The following GABRG2 variants were observed in gnomAD, a reference collection of about 807,000 sequenced individuals.
The protein encoded by GABRG2 is gamma-aminobutyric acid type A receptor subunit gamma2.
A neutral mutation model predicts 56.4 loss-of-function variants in GABRG2; 16 were observed. That is an observed-to-expected ratio of 0.28 (90% confidence interval 0.19 to 0.43). The LOEUF (loss-of-function observed/expected upper bound fraction) is 0.43. Among genes scored for constraint, GABRG2 ranks in the 20% least tolerant of loss-of-function variants. GABRG2 has a pLI of 1.00. For synonymous variants in GABRG2, 208 were observed against 205.5 expected (o/e 1.01, Z -0.10); for missense variants, 327 against 582.7 (o/e 0.56, Z 4.52).
chr5:162,121,487 T>C (rs961173230), intron 6 of GABRG2, among the ~76,000 whole-genome samples: 2 of 152,052 alleles, frequency 1.3e-5, no homozygotes, highest in Non-Finnish European at 2.9e-5. Flanking sequence ...GTGGACAAAG[T>C]GTGCATTTTG....
intron 1 of GABRG2, among the ~76,000 whole-genome samples, chr5:162,070,293 C>T (rs373074281): frequency 6.6e-6 from 1 of 151,862 alleles, no homozygotes; most frequent in East Asian, 1.9e-4. Flanking sequence ...GGAGTCATTG[C>T]TGTTTGGTGC....
chr5:162,096,742 G>A lies in GABRG2; in HGVS notation c.328-896G>A, dbSNP rs567406427. On this transcript the variant is annotated intron_variant, in intron 3 of 9. Coordinates refer to ENST00000639213, the MANE Select transcript of GABRG2 (RefSeq NM_198904.4). ...ATGGTCTGAATTTCACACCATATCT[G>A]CTTTTTTTTTTTTACTGAAGTCAAC... 1.3e-4 allele frequency among the ~76,000 whole-genome samples: 20 copies of A among 151,204 alleles called. No homozygotes were observed. In the South Asian group the frequency reaches 4.0e-3, roughly 30 times the overall value.
chr5:162,103,323 T>C, intron 5 of GABRG2: 1 of 156,176 alleles, frequency 6.4e-6, no homozygotes. Context: ...CATTTCTACT[T>C]ACTACTGCTT....
chr5:162,141,549 A>G (rs1157445435), intron 6 of GABRG2, among the ~76,000 whole-genome samples: 1 of 152,212 alleles, frequency 6.6e-6, no homozygotes, highest in African/African-American at 2.4e-5. Context: ...GATAAAGTCC[A>G]GTAGGGGGAA....
At chr5:162,149,534 A>G in intron 8 of GABRG2, 1 of 756,358 alleles carries the variant, frequency 1.3e-6, no homozygotes, top group South Asian at 1.4e-5. Context: ...TTATGCAAAT[A>G]TAATTACCTG....
At chr5:162,087,720 A>G (rs1025923229) in intron 1 of GABRG2, among the ~76,000 whole-genome samples, 1 of 152,138 alleles carries the variant, frequency 6.6e-6, no homozygotes, top group African/African-American at 2.4e-5. Flanking sequence ...TTACAATTAT[A>G]TCTGTCAGTG....
At chr5:162,074,753 T>G (rs1758953521) in intron 1 of GABRG2, among the ~76,000 whole-genome samples, 1 of 152,094 alleles carries the variant, frequency 6.6e-6, no homozygotes, top group South Asian at 2.1e-4. Flanking sequence ...CTTAATTAAT[T>G]TATGAAACGA....
In GABRG2 at chr5:162,096,084, G is replaced by C. The variant is rs902657059; in HGVS notation, c.327+522G>C. On this transcript the variant is annotated intron_variant, in intron 3 of 9. Coordinates refer to ENST00000639213, the MANE Select transcript of GABRG2 (RefSeq NM_198904.4). ...GTACAACATAACATAAGGTAATATA[G>C]TATTCTATATTATACAATATTATAT... Among the ~76,000 whole-genome samples the C allele has an allele frequency of 3.3e-5, 5 of 151,860 alleles. No individual in the cohort carries two copies. In the East Asian group the frequency reaches 9.7e-4, roughly 29 times the overall value.
intron 1 of GABRG2, among the ~76,000 whole-genome samples, chr5:162,070,264 T>C (rs1248511047): frequency 2.0e-5 from 3 of 152,098 alleles, no homozygotes; most frequent in Admixed American, 2.0e-4. Context: ...TTTTACATTC[T>C]CTCATAGTGA....
At chr5:162,114,452 G>A (rs984305480) in intron 6 of GABRG2, among the ~76,000 whole-genome samples, 3 of 152,020 alleles carry the variant, frequency 2.0e-5, no homozygotes, top group South Asian at 4.2e-4. Context: ...CAGGAGAATC[G>A]CTTGAACCCA....
At chr5:162,122,659 A>C (rs1248982697) in intron 6 of GABRG2, among the ~76,000 whole-genome samples, 1 of 151,742 alleles carries the variant, frequency 6.6e-6, no homozygotes, top group Non-Finnish European at 1.5e-5. Flanking sequence ...GAGAGAAAAG[A>C]TGAAAGATCA....
intron 2 of GABRG2, among the ~76,000 whole-genome samples, chr5:162,095,169 A>G (rs193054460): frequency 3.0e-3 from 454 of 152,312 alleles, no homozygotes; most frequent in Admixed American, 5.4e-3. Context: ...TGAAGGAAAC[A>G]TGGTAAAATT....
intron 2 of GABRG2, 95 bp from the exon 3 acceptor site, chr5:162,095,400 A>C: frequency 1.3e-6 from 1 of 766,208 alleles, no homozygotes; most frequent in East Asian, 2.7e-5. Context: ...ATTACTTCTA[A>C]TGTAGCTAAA....
In GABRG2 at chr5:162,068,010, C is replaced by A. The variant is rs375295110; in HGVS notation, c.11C>A (p.Pro4Gln). 1.2e-6 allele frequency: 2 copies of A among 1,612,518 alleles called. No individual in the cohort carries two copies. Among genetic ancestry groups the A allele is most frequent in the South Asian group, 1.1e-5 (1 of 90,996 alleles). The change falls in exon 1 of 10, where the codon CCA (proline) becomes CAA (glutamine). Residue 4 changes from proline to glutamine, a missense_variant. Around this residue, in one of 4 missense-constraint regions of GABRG2, gnomAD observed 73 missense variants for 72.2 expected, o/e 1.01. Transcript: ENST00000639213. ...AAAAAAAAAAAAGCGATGAGTTCGC[C>A]AAATATATGGAGCACAGGAAGCTCA... Reference protein sequence around the residue: MSSPNIWSTGSSVY... With the variant: MSSQNIWSTGSSVY...
chr5:162,117,037 T>C (rs1762669590), intron 6 of GABRG2, among the ~76,000 whole-genome samples: 1 of 152,178 alleles, frequency 6.6e-6, no homozygotes, highest in Admixed American at 6.6e-5. Flanking sequence ...TGTCTGAGAA[T>C]TATCCTCTCA....
chr5:162,110,126 A>G (rs1010471630), intron 6 of GABRG2, among the ~76,000 whole-genome samples: 1 of 152,008 alleles, frequency 6.6e-6, no homozygotes, highest in African/African-American at 2.4e-5. Flanking sequence ...CCTGATTTGT[A>G]TCACAAGGAA....
At chr5:162,071,190 T>C (rs1311816765) in intron 1 of GABRG2, among the ~76,000 whole-genome samples, 1 of 151,474 alleles carries the variant, frequency 6.6e-6, no homozygotes, top group Non-Finnish European at 1.5e-5. Flanking sequence ...ATACCACATA[T>C]ATATGCATAG....
intron 1 of GABRG2, among the ~76,000 whole-genome samples, chr5:162,084,858 T>C (rs557271949): frequency 1.7e-4 from 26 of 151,862 alleles, no homozygotes; most frequent in Non-Finnish European, 3.5e-4. Flanking sequence ...AATGTGTGTT[T>C]CTGGAGTGAA....
intron 4 of GABRG2, 91 bp downstream of exon 4, chr5:162,097,949 AAG>A: frequency 8.9e-7 from 1 of 1,126,466 alleles, no homozygotes; most frequent in Non-Finnish European, 1.3e-6. Context: ...AAAAAAAAAA[AAG>A]GAAATAAATT....
Sources: allele counts gnomAD v4.1 joint callset (sites outside exome capture counted in the v4.1 genomes callset), GRCh38; gene constraint gnomAD v4.1.1; regional missense constraint gnomAD v4.1.1; transcripts MANE v1.5; gene names NCBI Gene and HGNC (gene_info 2026-07-23, HGNC 2026-07-21).